The following ADAM22 variants were observed in gnomAD, a reference collection of about 807,000 sequenced individuals.
ADAM22 encodes the protein ADAM metallopeptidase domain 22.
Under a neutral mutation model 144.6 loss-of-function variants are expected in ADAM22, and 65 were observed. The observed-to-expected ratio is 0.45, with a 90% CI of 0.37 to 0.55. The LOEUF (loss-of-function observed/expected upper bound fraction) is 0.55. Ranked by LOEUF, ADAM22 falls within the 20% of genes least tolerant of loss-of-function variation. The pLI is 0.00. For synonymous variants in ADAM22, 391 were observed against 412.6 expected (o/e 0.95, Z 0.63); for missense variants, 974 against 1,184.9 (o/e 0.82, Z 2.61).
intron 2 of ADAM22, among the ~76,000 whole-genome samples, chr7:87,955,817 G>A (rs1055239052): frequency 3.3e-5 from 5 of 152,150 alleles, no homozygotes; most frequent in African/African-American, 4.8e-5. Context: ...TTACCTAAGC[G>A]AGCCTGGGCA....
chr7:87,987,298 C>T (rs1788718195), intron 3 of ADAM22, among the ~76,000 whole-genome samples: 1 of 152,174 alleles, frequency 6.6e-6, no homozygotes, highest in Non-Finnish European at 1.5e-5. Flanking sequence ...CCTGCCTCAG[C>T]CTCCCAAGTA....
At chr7:88,111,593 T>C (rs1826058111) in intron 5 of ADAM22, among the ~76,000 whole-genome samples, 1 of 152,174 alleles carries the variant, frequency 6.6e-6, no homozygotes, top group African/African-American at 2.4e-5. Flanking sequence ...ATTGCCCTCT[T>C]GTGGAAATTT....
intron 23 of ADAM22, among the ~76,000 whole-genome samples, chr7:88,164,327 G>T (rs529683059): frequency 5.9e-5 from 9 of 151,844 alleles, no homozygotes; most frequent in Non-Finnish European, 1.3e-4. Flanking sequence ...ATTAGTAAAA[G>T]AATAATCAAT....
At chr7:87,960,379 T>TGTGG (rs1167692676) in intron 2 of ADAM22, among the ~76,000 whole-genome samples, 1 of 151,232 alleles carries the variant, frequency 6.6e-6, no homozygotes, top group Non-Finnish European at 1.5e-5. Context: ...TAGTGGGGTG[T>TGTGG]GTGTGTGTGT....
At chr7:88,069,518 G>A (rs1370282328) in intron 3 of ADAM22, among the ~76,000 whole-genome samples, 1 of 152,214 alleles carries the variant, frequency 6.6e-6, no homozygotes, top group African/African-American at 2.4e-5. Flanking sequence ...TTCGCCATTA[G>A]AAGAGTTACA....
intron 2 of ADAM22, 22 bp downstream of exon 2, chr7:87,935,208 G>C: frequency 6.4e-7 from 1 of 1,560,310 alleles, no homozygotes; most frequent in Non-Finnish European, 8.7e-7. Context: ...GGTCCGGGAG[G>C]TGGTCCTCCG....
At chr7:88,027,746 TG>T (rs1478843802) in intron 3 of ADAM22, among the ~76,000 whole-genome samples, 1 of 152,210 alleles carries the variant, frequency 6.6e-6, no homozygotes, top group Non-Finnish European at 1.5e-5. Context: ...GGATGTGGTT[TG>T]CTGTTGCTTT....
intron 21 of ADAM22, 87 bp from the exon 22 acceptor site, chr7:88,155,800 A>C: frequency 6.8e-7 from 1 of 1,480,888 alleles, no homozygotes; most frequent in South Asian, 1.4e-5. Flanking sequence ...ATGAAAACCA[A>C]ATGCTAAAAT....
intron 2 of ADAM22, among the ~76,000 whole-genome samples, chr7:87,968,827 TTA>T (rs1849750659): frequency 1.3e-5 from 2 of 152,288 alleles, no homozygotes; most frequent in Non-Finnish European, 2.9e-5. Flanking sequence ...GTTAGTTGGC[TTA>T]TGGTTCTGCA....
chr7:88,031,501 G>A (rs998913040), intron 3 of ADAM22, among the ~76,000 whole-genome samples: 8 of 152,224 alleles, frequency 5.3e-5, no homozygotes, highest in Non-Finnish European at 1.2e-4. Flanking sequence ...GAGACTGGTG[G>A]CACTATGCCC....
At chr7:88,098,345 T>C (rs1302529716) in intron 4 of ADAM22, among the ~76,000 whole-genome samples, 1 of 152,114 alleles carries the variant, frequency 6.6e-6, no homozygotes, top group South Asian at 2.1e-4. Flanking sequence ...GAACCAAGCT[T>C]CTTAAAAGGA....
intron 2 of ADAM22, among the ~76,000 whole-genome samples, chr7:87,941,501 CT>C (rs879446381): frequency 3.5e-4 from 52 of 146,580 alleles, no homozygotes; most frequent in Middle Eastern, 3.6e-3. Flanking sequence ...GTAGCACAAA[CT>C]TTTTTTTTTT....
At chr7:87,976,870 C>CCTTT (rs1554367220) in intron 2 of ADAM22, among the ~76,000 whole-genome samples, 1 of 130,430 alleles carries the variant, frequency 7.7e-6, no homozygotes, top group Non-Finnish European at 1.6e-5. Context: ...TTTTTTATTT[C>CCTTT]TTTTTTTTTT....
chr7:88,188,392 C>T (rs1848831863), intron 30 of ADAM22, among the ~76,000 whole-genome samples: 1 of 152,124 alleles, frequency 6.6e-6, no homozygotes, highest in African/African-American at 2.4e-5. Context: ...TGGGGAAATG[C>T]TTCAGCACCC....
rs114357499 is a variant in ADAM22 at position 88,199,641 on chromosome 7, T to C, written c.*3150T>C. ...GTGCAACATGGTGAGGGCTTTCAAT[T>C]TGCTGTGGTTGCTGTATTTTTAACA... is the stretch of plus-strand genomic sequence containing the variant. On this transcript the variant is annotated 3_prime_UTR_variant, in exon 32 of 32. Coordinates refer to ENST00000413139, the MANE Select transcript of ADAM22 (RefSeq NM_001324418.2). The C allele has an allele frequency of 3.7e-3, 560 of 152,314 alleles. 5 individuals are homozygous for C. The highest frequency in any genetic ancestry group is 0.013 in the African/African-American group (539 of 41,560). 9.4% of individuals were successfully genotyped at this position (152,314 alleles called of 1,614,324 possible).
intron 3 of ADAM22, among the ~76,000 whole-genome samples, chr7:88,072,711 C>T (rs750125365): frequency 1.3e-5 from 2 of 152,138 alleles, no homozygotes; most frequent in African/African-American, 2.4e-5. Context: ...TCTGAATTTA[C>T]AAGTTCAGAT....
At position 88,138,079 on chromosome 7, in the gene ADAM22, A is replaced by G. The variant is rs561956241; in HGVS notation, c.1220+2048A>G. On this transcript the variant is annotated intron_variant, in intron 14 of 31. Coordinates refer to ENST00000413139, the MANE Select transcript of ADAM22 (RefSeq NM_001324418.2). ...TGAGGTGGGAGGATCGCCTGATTCC[A>G]GGGAGGTTGAGGCTGCGGTGAGCCA... Among the ~76,000 whole-genome samples the G allele has an allele frequency of 5.3e-5, 8 of 152,280 alleles. No individual in the cohort carries two copies. In the South Asian group the frequency reaches 1.5e-3, roughly 28 times the overall value.
intron 2 of ADAM22, among the ~76,000 whole-genome samples, chr7:87,968,675 C>T (rs149301814): frequency 0.014 from 2,067 of 152,270 alleles, 40 homozygotes; most frequent in African/African-American, 0.047. Context: ...TGAGCTGTGA[C>T]TGTGCAACTG....
intron 3 of ADAM22, among the ~76,000 whole-genome samples, chr7:88,037,862 T>G (rs1801896557): frequency 6.6e-6 from 1 of 152,220 alleles, no homozygotes. Flanking sequence ...TACTATCTCT[T>G]TAAGACTTTC....
Sources: gnomAD v4.1 joint callset for allele counts (sites outside exome capture counted in the v4.1 genomes callset) on GRCh38, gnomAD v4.1.1 for gene constraint, MANE v1.5 for transcripts, NCBI Gene and HGNC (gene_info 2026-07-23, HGNC 2026-07-21) for gene names.